Variants in CLASP2 observed in about 807,000 individuals in gnomAD.
CLASP2 encodes cytoplasmic linker associated protein 2.
A neutral mutation model predicts 194.4 loss-of-function variants in CLASP2; 47 were observed. The observed-to-expected ratio is 0.24, with a 90% CI of 0.19 to 0.31. The LOEUF (loss-of-function observed/expected upper bound fraction) is 0.31. Among genes scored for constraint, CLASP2 ranks in the 10% least tolerant of loss-of-function variants. CLASP2 has a pLI of 1.00. For missense variants in CLASP2, 1,445 were observed against 1,823.6 expected, an observed-to-expected ratio of 0.79 and a Z score of 3.78; for synonymous variants, 619 against 633.5, an observed-to-expected ratio of 0.98 and a Z score of 0.34.
chr3:33,631,696 CA>C (rs543092852), intron 9 of CLASP2, among the ~76,000 whole-genome samples: 2,795 of 106,952 alleles, frequency 0.026, 61 homozygotes, highest in African/African-American at 0.082. Flanking sequence ...GACTTCATCT[CA>C]AAAAAAAAAA....
chr3:33,541,948 CCCA>C (rs746504408), intron 32 of CLASP2, among the ~76,000 whole-genome samples: 2 of 152,132 alleles, frequency 1.3e-5, no homozygotes, highest in East Asian at 1.9e-4. Context: ...AATTTACACT[CCCA>C]CCAATAGTGT....
intron 34 of CLASP2, among the ~76,000 whole-genome samples, chr3:33,518,990 T>C (rs748865445): frequency 5.9e-5 from 9 of 152,180 alleles, no homozygotes; most frequent in Non-Finnish European, 8.8e-5. Flanking sequence ...TACTCTGTGA[T>C]TGGAGCAGTT....
chr3:33,611,315 T>C (rs1046604509), intron 13 of CLASP2, among the ~76,000 whole-genome samples: 2 of 152,244 alleles, frequency 1.3e-5, no homozygotes, highest in Admixed American at 1.3e-4. Flanking sequence ...AAAATGATTA[T>C]GTAATCTTCC....
chr3:33,499,810 A>G (rs535332699), intron 38 of CLASP2, among the ~76,000 whole-genome samples: 20 of 152,208 alleles, frequency 1.3e-4, no homozygotes, highest in Non-Finnish European at 2.6e-4. Context: ...AGATGAGGAA[A>G]TAACAATATA....
chr3:33,624,095 T>C (rs2077571835), intron 10 of CLASP2, among the ~76,000 whole-genome samples: 1 of 152,148 alleles, frequency 6.6e-6, no homozygotes, highest in Non-Finnish European at 1.5e-5. Flanking sequence ...AAACCAGACA[T>C]ACATAATAAA....
chr3:33,716,241 G>A (rs1356635334), intron 1 of CLASP2, among the ~76,000 whole-genome samples: 1 of 152,168 alleles, frequency 6.6e-6, no homozygotes, highest in Non-Finnish European at 1.5e-5. Context: ...TATCTAGTGA[G>A]GAGCATGGAG....
intron 36 of CLASP2, among the ~76,000 whole-genome samples, chr3:33,510,990 ATTC>A (rs1397722493): frequency 6.8e-6 from 1 of 147,848 alleles, no homozygotes. Flanking sequence ...TTATTACACT[ATTC>A]TCCCTTCTTG....
intron 14 of CLASP2, among the ~76,000 whole-genome samples, chr3:33,607,993 C>G (rs1341837238): frequency 6.6e-6 from 1 of 152,154 alleles, no homozygotes; most frequent in African/African-American, 2.4e-5. Context: ...CAGCAATATA[C>G]TCAAGGTAAA....
At chr3:33,627,142 C>T (rs1432277375) in intron 9 of CLASP2, 62 bp from the exon 10 acceptor site, 3 of 918,832 alleles carry the variant, frequency 3.3e-6, no homozygotes, top group Admixed American at 4.3e-5. Context: ...CAAAATTATG[C>T]CCTGATGTTT....
At chr3:33,637,065 GAATA>G (rs910357568) in intron 8 of CLASP2, among the ~76,000 whole-genome samples, 3 of 152,160 alleles carry the variant, frequency 2.0e-5, no homozygotes, top group African/African-American at 7.2e-5. Context: ...AAAAGGAAGT[GAATA>G]TATAGGTTAA....
At chr3:33,504,564 G>C (rs2047628318) in intron 37 of CLASP2, 1 of 152,184 alleles carries the variant, frequency 6.6e-6, no homozygotes, top group African/African-American at 2.4e-5. Flanking sequence ...CTTGCATGGA[G>C]CCCAAAGAAC....
chr3:33,604,300 T>C (rs1441723257), intron 16 of CLASP2, 91 bp from the exon 17 acceptor site: 2 of 866,778 alleles, frequency 2.3e-6, no homozygotes, highest in African/African-American at 1.7e-5. Flanking sequence ...TTGTGGAAAG[T>C]TGAGAAGTAT....
intron 36 of CLASP2, among the ~76,000 whole-genome samples, chr3:33,513,365 C>A (rs1201503497): frequency 6.6e-6 from 1 of 151,962 alleles, no homozygotes; most frequent in African/African-American, 2.4e-5. Flanking sequence ...ACAGCGAAAC[C>A]CCGTTTCCAC....
At chr3:33,608,163 T>C (rs968599449) in intron 14 of CLASP2, among the ~76,000 whole-genome samples, 8 of 152,206 alleles carry the variant, frequency 5.3e-5, no homozygotes, top group Non-Finnish European at 1.2e-4. Flanking sequence ...ACAGCTGGTG[T>C]GGAGAAACCT....
At chr3:33,717,749 C>G (rs2093364534) in intron 1 of CLASP2, 59 bp downstream of exon 1, 5 of 1,528,344 alleles carry the variant, frequency 3.3e-6, no homozygotes, top group Non-Finnish European at 4.4e-6. Context: ...CGCTCGCGTC[C>G]GGGATTAAAG....
intron 27 of CLASP2, among the ~76,000 whole-genome samples, chr3:33,561,828 A>G (rs1288535735): frequency 1.3e-5 from 2 of 152,162 alleles, no homozygotes; most frequent in South Asian, 4.1e-4. Context: ...GTTTCTAGAT[A>G]AAGAAGAAAA....
At chr3:33,562,838 A>C (rs1322720848) in intron 27 of CLASP2, among the ~76,000 whole-genome samples, 1 of 152,228 alleles carries the variant, frequency 6.6e-6, no homozygotes, top group African/African-American at 2.4e-5. Context: ...CCAATGTTTC[A>C]CAGATGGTTA....
At chr3:33,544,911 C>T (rs890569560) in intron 30 of CLASP2, 70 bp from the exon 31 acceptor site, 17 of 1,130,794 alleles carry the variant, frequency 1.5e-5, no homozygotes, top group Non-Finnish European at 1.8e-5. Context: ...TCTTCCCCTA[C>T]ATTTCTGTTC....
intron 38 of CLASP2, 28 bp from the exon 39 acceptor site, chr3:33,498,745 T>C (rs771305200): frequency 9.4e-6 from 14 of 1,485,388 alleles, no homozygotes; most frequent in Non-Finnish European, 1.3e-5. Context: ...ATAAATGTCA[T>C]TTGAGCAAGC....
Sources: gnomAD v4.1 joint callset for allele counts (sites outside exome capture counted in the v4.1 genomes callset) on GRCh38, gnomAD v4.1.1 for gene constraint, MANE v1.5 for transcripts, NCBI Gene and HGNC (gene_info 2026-07-23, HGNC 2026-07-21) for gene names.